The following SLC25A15 variants were observed in gnomAD, a reference collection of about 807,000 sequenced individuals.
SLC25A15 encodes mitochondrial ornithine transporter 1.
Under a neutral mutation model 32.3 loss-of-function variants are expected in SLC25A15, and 24 were observed. The observed-to-expected ratio is 0.74, with a 90% confidence interval of 0.54 to 1.04. The LOEUF (loss-of-function observed/expected upper bound fraction) is 1.04. SLC25A15 is among the 50% of genes least tolerant of loss of function. The probability of loss-of-function intolerance (pLI) is 0.00; values close to 1 mark genes in which losing one functional copy is unlikely to be tolerated. For synonymous variants in SLC25A15, 132 were observed against 142.1 expected (o/e 0.93, Z 0.51); for missense variants, 317 against 374.5 (o/e 0.85, Z 1.27).
intron 2 of SLC25A15, among the ~76,000 whole-genome samples, chr13:40,795,684 T>C (rs1310020351): frequency 1.3e-5 from 2 of 151,826 alleles, no homozygotes; most frequent in Non-Finnish European, 2.9e-5. Context: ...GGTCTATAGG[T>C]TGGGGGCTGG....
chr13:40,794,406 G>C (rs1320844441), intron 2 of SLC25A15, among the ~76,000 whole-genome samples: 1 of 152,072 alleles, frequency 6.6e-6, no homozygotes, highest in African/African-American at 2.4e-5. Context: ...TTAGAGCCGT[G>C]AAAGTTGTAG....
intron 4 of SLC25A15, 131 bp downstream of exon 4, chr13:40,805,386 T>C: frequency 9.3e-7 from 1 of 1,071,796 alleles, no homozygotes; most frequent in South Asian, 1.3e-5. Flanking sequence ...GTTTCTAGAA[T>C]GCTTTCCCCT....
intron 6 of SLC25A15, 110 bp downstream of exon 6, chr13:40,808,706 G>T (rs1413897862): frequency 7.9e-6 from 7 of 890,972 alleles, no homozygotes; most frequent in Non-Finnish European, 1.2e-5. Flanking sequence ...GGCTGAGGCA[G>T]GTGGATCATG....
intron 1 of SLC25A15, 96 bp downstream of exon 1, chr13:40,789,759 G>T (rs1481670858): frequency 6.6e-6 from 1 of 152,380 alleles, no homozygotes; most frequent in South Asian, 2.0e-4. Context: ...GTGTGCGGGC[G>T]GCGTGACCTT....
At chr13:40,799,399 C>A in intron 3 of SLC25A15, 84 bp downstream of exon 3, 1 of 1,570,426 alleles carries the variant, frequency 6.4e-7, no homozygotes, top group East Asian at 2.3e-5. Flanking sequence ...GCCTGTAATC[C>A]CAGCACTTTG....
Position 40,793,187 on chromosome 13 carries a change from A to C in SLC25A15, c.-40A>C. 1 of 1,611,172 alleles carries C rather than the reference A, an allele frequency of 6.2e-7. No homozygotes were observed. Among genetic ancestry groups the C allele is most frequent in the Non-Finnish European group, 8.5e-7 (1 of 1,177,538 alleles). ...ATGTGGTGCCTGTCATAAGCTCCAG[A>C]GAGCTGCCTTCCACAAGACCAGCAG... On this transcript the variant is annotated 5_prime_UTR_variant, in exon 2 of 7. Transcript: ENST00000338625.
In SLC25A15 at chr13:40,811,563, G is replaced by GACCA. The variant is rs1290044111; in HGVS notation, c.*1906_*1909dup. On this transcript the variant is annotated 3_prime_UTR_variant, in exon 7 of 7. Transcript: ENST00000338625. Reference sequence around the variant, plus strand: ...TGTATTCACTGACCAAAAATTCACTGACCAACCAACCAAACTCCACACTTC... The same window carrying GACCA: ...TGTATTCACTGACCAAAAATTCACTGACCAACCAACCAACCAAACTCCACACTTC... Among the ~76,000 whole-genome samples, 23 of 152,002 alleles carry GACCA rather than the reference G, an allele frequency of 1.5e-4. No individual in the cohort carries two copies. The highest frequency in any genetic ancestry group is 5.3e-4 in the African/African-American group (22 of 41,462).
Position 40,790,988 on chromosome 13 carries a change from G to C in SLC25A15, c.-70+1325G>C, listed in dbSNP as rs115299564. On this transcript the variant is annotated intron_variant, in intron 1 of 6. Transcript: ENST00000338625. Reference sequence around the variant, plus strand: ...TGATGTGACTTTCCTTCAAAATTAAGAAGGAAGTGTCTGTGCCAAAAGAAA... The same window carrying C: ...TGATGTGACTTTCCTTCAAAATTAACAAGGAAGTGTCTGTGCCAAAAGAAA... Among the ~76,000 whole-genome samples, 219 of 152,156 alleles carry C rather than the reference G, an allele frequency of 1.4e-3. 1 individual carries two copies. Among genetic ancestry groups the C allele is most frequent in the African/African-American group, 4.9e-3 (205 of 41,502 alleles).
chr13:40,799,619 T>C (rs1881804138), intron 3 of SLC25A15, among the ~76,000 whole-genome samples: 1 of 152,260 alleles, frequency 6.6e-6, no homozygotes. Context: ...ATTGTCATCA[T>C]ATAAAACTTA....
Position 40,794,813 on chromosome 13 carries a change from T to A in SLC25A15, c.55+1532T>A, listed in dbSNP as rs564084070. 9.7e-4 allele frequency among the ~76,000 whole-genome samples: 143 copies of A among 147,316 alleles called. 1 individual carries two copies. Among genetic ancestry groups the A allele is most frequent in the African/African-American group, 3.5e-3 (138 of 39,450 alleles). ...ACCCCCCACCCCCACCACCAGCAGA[T>A]GAGTATGGTCATGAATATGGTCACC... On this transcript the variant is annotated intron_variant, in intron 2 of 6. Transcript: ENST00000338625.
At chr13:40,804,614 T>G (rs1056518190) in intron 3 of SLC25A15, among the ~76,000 whole-genome samples, 2 of 150,824 alleles carry the variant, frequency 1.3e-5, no homozygotes, top group Non-Finnish European at 2.9e-5. Flanking sequence ...CAATCTCAGG[T>G]CACTGCAAGC....
chr13:40,794,753 C>T (rs1881617057), intron 2 of SLC25A15, among the ~76,000 whole-genome samples: 1 of 152,122 alleles, frequency 6.6e-6, no homozygotes, highest in Admixed American at 6.5e-5. Flanking sequence ...GGGAGGCCAG[C>T]GGGGGTGTTG....
Position 40,810,029 on chromosome 13 carries a change from G to A in SLC25A15, c.*362G>A. 1.4e-5 allele frequency: 4 copies of A among 295,214 alleles called. No individual in the cohort carries two copies. The highest frequency in any genetic ancestry group is 8.6e-5 in the East Asian group (1 of 11,578). The allele number at this position is 295,214 out of a possible 1,614,324, so 18.3% of individuals were successfully genotyped here. Reference sequence around the variant, plus strand: ...TTATGTGTTGAGGGAAATACAGTTTGGTACCTTGTTTATTTCAAATATCAG... The same window carrying A: ...TTATGTGTTGAGGGAAATACAGTTTAGTACCTTGTTTATTTCAAATATCAG... On this transcript the variant is annotated 3_prime_UTR_variant, in exon 7 of 7. Transcript: ENST00000338625.
chr13:40,792,534 G>A (rs745734627), intron 1 of SLC25A15, among the ~76,000 whole-genome samples: 6 of 152,242 alleles, frequency 3.9e-5, no homozygotes, highest in Non-Finnish European at 8.8e-5. Context: ...AACACATGAT[G>A]CTTGTGCACG....
chr13:40,793,316 G>C, intron 2 of SLC25A15, 35 bp downstream of exon 2: 1 of 1,558,488 alleles, frequency 6.4e-7, no homozygotes, highest in Non-Finnish European at 8.8e-7. Context: ...TGTTTCTGTC[G>C]TTGATGGATG....
chr13:40,805,850 T>G (rs1882153002), intron 4 of SLC25A15, among the ~76,000 whole-genome samples: 2 of 152,386 alleles, frequency 1.3e-5, no homozygotes, highest in South Asian at 4.1e-4. Flanking sequence ...CTCATTATCC[T>G]TTGAGAGTAC....
chr13:40,798,919 G>A lies in SLC25A15; in HGVS notation c.56-138G>A, dbSNP rs1240635354. 3.2e-6 allele frequency: 5 copies of A among 1,581,544 alleles called. No individual in the cohort carries two copies. In the Admixed American group the frequency reaches 8.8e-5, roughly 28 times the overall value. On this transcript the variant is annotated intron_variant, in intron 2 of 6. Transcript: ENST00000338625. ...CTGCTCTAAATTGTTTACTGGACAT[G>A]GCTGGAAGGTTTTGGAGGAAAAGAG... is the stretch of plus-strand genomic sequence containing the variant.
At chr13:40,798,826 C>T in intron 2 of SLC25A15, 1 of 985,286 alleles carries the variant, frequency 1.0e-6, no homozygotes, top group Non-Finnish European at 1.2e-6. Context: ...GAACACATGT[C>T]TGTCTCTCTC....
chr13:40,808,919 C>A lies in SLC25A15; in HGVS notation c.781+323C>A, dbSNP rs1366315478. Among the ~76,000 whole-genome samples, 5 of 122,572 alleles carry A rather than the reference C, an allele frequency of 4.1e-5. 1 individual carries two copies. In the Admixed American group the frequency reaches 4.2e-4, roughly 10 times the overall value. 80.4% of individuals were successfully genotyped at this position (122,572 alleles called of 152,430 possible). On this transcript the variant is annotated intron_variant, in intron 6 of 6. Coordinates refer to ENST00000338625, the MANE Select transcript of SLC25A15 (RefSeq NM_014252.4). ...CACTGCACTCCAGCCTGGGCAACAGCGAGACTCTGTCTCAAAAAAAAAAAA... is the reference window on the plus strand; with the variant it reads ...CACTGCACTCCAGCCTGGGCAACAGAGAGACTCTGTCTCAAAAAAAAAAAA...
Sources: allele counts gnomAD v4.1 joint callset (sites outside exome capture counted in the v4.1 genomes callset), GRCh38; gene constraint gnomAD v4.1.1; transcripts MANE v1.5; gene names NCBI Gene and HGNC (gene_info 2026-07-23, HGNC 2026-07-21).